The following ANP32B variants were observed in gnomAD, a reference collection of about 807,000 sequenced individuals.
ANP32B encodes acidic leucine-rich nuclear phosphoprotein 32 family member B.
Under a neutral mutation model 32.2 loss-of-function variants are expected in ANP32B, and 6 were observed. The ratio of observed to expected loss-of-function variants is 0.19; its 90% CI spans 0.10 to 0.37. The LOEUF (loss-of-function observed/expected upper bound fraction) is 0.37, where lower values mean the gene tolerates loss of function less well. ANP32B is among the 10% of genes least tolerant of loss of function. The pLI, the probability that ANP32B is intolerant of heterozygous loss-of-function variation, is 1.00. For missense variants in ANP32B, 204 were observed against 289.2 expected, an observed-to-expected ratio of 0.71 and a Z score of 2.14; for synonymous variants, 98 against 105.8, an observed-to-expected ratio of 0.93 and a Z score of 0.45.
chr9:98,011,469 A>C lies in ANP32B; in HGVS notation c.636+80A>C, dbSNP rs527771832. ...GGGTTTCAAAAAGATGACAAAAGAAAAGAAAAAACACCTTTTGAAGAAATT... is the reference window on the plus strand; with the variant it reads ...GGGTTTCAAAAAGATGACAAAAGAACAGAAAAAACACCTTTTGAAGAAATT... On this transcript the variant is annotated intron_variant, in intron 5 of 6. Transcript: ENST00000339399. 3 of 1,518,184 alleles carry C rather than the reference A, an allele frequency of 2.0e-6. No individual in the cohort carries two copies. In the African/African-American group the frequency reaches 4.2e-5, roughly 21 times the overall value. 94.0% of individuals were successfully genotyped at this position (1,518,184 alleles called of 1,614,324 possible).
At chr9:97,987,846 T>C (rs1388868550) in intron 1 of ANP32B, among the ~76,000 whole-genome samples, 11 of 152,226 alleles carry the variant, frequency 7.2e-5, no homozygotes, top group Admixed American at 1.3e-4. Context: ...TTGACCTCTT[T>C]TGTTGTGTCT....
chr9:98,004,492 C>T (rs1179931755), intron 3 of ANP32B, among the ~76,000 whole-genome samples: 1 of 152,126 alleles, frequency 6.6e-6, no homozygotes, highest in Non-Finnish European at 1.5e-5. Flanking sequence ...CATGTCTGTG[C>T]CCTAACTAAA....
Position 97,983,372 on chromosome 9 carries a change from T to G in ANP32B, c.-184T>G. 1 of 550,012 alleles carries G rather than the reference T, an allele frequency of 1.8e-6. No individual in the cohort carries two copies. 34.1% of individuals were successfully genotyped at this position (550,012 alleles called of 1,614,324 possible). A position where few individuals can be genotyped will look rare whatever the true frequency, so the allele number is the denominator to read the frequency against. ...CCTCCATGGTTTCTCTCCGCTCCCG[T>G]GAGTAACTTGGCTCCGGGGGCTCCG... On this transcript the variant is annotated 5_prime_UTR_variant, in exon 1 of 7. Transcript: ENST00000339399.
At position 98,005,067 on chromosome 9, in the gene ANP32B, A is replaced by G; in HGVS notation, c.431A>G (p.Tyr144Cys). The G allele has an allele frequency of 6.2e-7, 1 of 1,613,978 alleles. No individual in the cohort carries two copies. Among genetic ancestry groups the G allele is most frequent in the Non-Finnish European group, 8.5e-7 (1 of 1,179,990 alleles). ...TTCAAGCTCCTGCCCCAGCTTACCT[A>G]CTTGGATGGCTATGACCGAGAGGAC... ...SVFKLLPQLT[Y>C]LDGYDREDQE... is the part of the protein sequence containing the mutation. Residue 144 changes from tyrosine to cysteine, a missense_variant, in exon 4 of 7, where the codon TAC becomes TGC. By Grantham distance (194) the Tyr-to-Cys change is radical. Coordinates refer to ENST00000339399, the MANE Select transcript of ANP32B (RefSeq NM_006401.3).
Position 98,002,929 on chromosome 9 carries a change from G to C in ANP32B, c.328-2035G>C, listed in dbSNP as rs193091931. On this transcript the variant is annotated intron_variant, in intron 3 of 6. Coordinates refer to ENST00000339399, the MANE Select transcript of ANP32B (RefSeq NM_006401.3). ...AGAATTTTTAGAGTGAACCTTTTTG[G>C]AAAAGCTGCCTAAAGCTGACTCTAG... is the stretch of plus-strand genomic sequence containing the variant. 1.4e-3 allele frequency among the ~76,000 whole-genome samples: 219 copies of C among 152,234 alleles called. 1 individual carries two copies. The highest frequency in any genetic ancestry group is 5.1e-3 in the African/African-American group (210 of 41,550).
chr9:97,988,261 GT>G (rs1253255326), intron 1 of ANP32B, among the ~76,000 whole-genome samples: 2 of 152,078 alleles, frequency 1.3e-5, no homozygotes, highest in Non-Finnish European at 2.9e-5. Context: ...GATTTTGGCT[GT>G]TTTAAATACT....
At chr9:97,998,704 G>C (rs749041246) in intron 3 of ANP32B, 26 bp downstream of exon 3, 1 of 1,512,034 alleles carries the variant, frequency 6.6e-7, no homozygotes, top group South Asian at 1.3e-5. Flanking sequence ...TTTGGAAACT[G>C]GAACTTACTG....
intron 1 of ANP32B, among the ~76,000 whole-genome samples, chr9:97,985,769 G>C (rs1827717745): frequency 6.6e-6 from 1 of 152,170 alleles, no homozygotes; most frequent in Non-Finnish European, 1.5e-5. Flanking sequence ...CATATATGAA[G>C]TAATATTGCT....
intron 4 of ANP32B, 38 bp from the exon 5 acceptor site, chr9:98,011,233 C>T (rs764157570): frequency 2.5e-5 from 38 of 1,546,892 alleles, no homozygotes; most frequent in Non-Finnish European, 3.0e-5. Context: ...TGTGGAGCGT[C>T]GAGGATATTT....
At chr9:97,985,462 G>C (rs530158631) in intron 1 of ANP32B, among the ~76,000 whole-genome samples, 2 of 152,286 alleles carry the variant, frequency 1.3e-5, no homozygotes, top group South Asian at 4.1e-4. Context: ...TGCCCGCCAC[G>C]TGCTAGCCTA....
At chr9:97,991,019 G>A (rs945007254) in intron 1 of ANP32B, among the ~76,000 whole-genome samples, 3 of 151,454 alleles carry the variant, frequency 2.0e-5, no homozygotes, top group South Asian at 2.1e-4. Context: ...ATGGGGTTTC[G>A]CCAGGTTGGC....
At chr9:97,990,856 G>T in intron 1 of ANP32B, among the ~76,000 whole-genome samples, 1 of 126,028 alleles carries the variant, frequency 7.9e-6, no homozygotes, top group Admixed American at 1.0e-4. Context: ...ATCTTGCTCT[G>T]GTGCCCAGGC....
intron 1 of ANP32B, among the ~76,000 whole-genome samples, chr9:97,990,264 T>C (rs891991432): frequency 2.0e-5 from 3 of 152,228 alleles, no homozygotes; most frequent in African/African-American, 7.2e-5. Context: ...GTAAATACAC[T>C]TTTTCTGCAC....
intron 1 of ANP32B, chr9:97,984,691 C>CGGT (rs1346247703): frequency 6.6e-6 from 1 of 150,780 alleles, no homozygotes. Flanking sequence ...GCCGAGCCCT[C>CGGT]GGTCTGTTTC....
chr9:97,984,748 C>A (rs1237791205), intron 1 of ANP32B: 3 of 150,142 alleles, frequency 2.0e-5, no homozygotes, highest in Admixed American at 6.6e-5. Flanking sequence ...AGCCGCGCGC[C>A]GCGGCCGCCG....
intron 3 of ANP32B, among the ~76,000 whole-genome samples, chr9:98,000,912 A>T (rs1439001059): frequency 7.9e-6 from 1 of 126,356 alleles, no homozygotes; most frequent in African/African-American, 3.1e-5. Flanking sequence ...ACAGAACAAG[A>T]CTCCATCTCA....
chr9:98,004,859 A>G, intron 3 of ANP32B, 105 bp from the exon 4 acceptor site: 1 of 800,442 alleles, frequency 1.2e-6, no homozygotes, highest in South Asian at 1.9e-5. Flanking sequence ...CTGAGTGGGT[A>G]GTGGAAATTG....
In ANP32B at chr9:97,993,803, T is replaced by G. The variant is rs115885069; in HGVS notation, c.55-828T>G. On this transcript the variant is annotated intron_variant, in intron 1 of 6. Transcript: ENST00000339399. Reference sequence around the variant, plus strand: ...GGCACTCGCCATCTTGCCTGGCTAATTTTTGTATTTTTGTAGAGGGGGTTT... The same window carrying G: ...GGCACTCGCCATCTTGCCTGGCTAAGTTTTGTATTTTTGTAGAGGGGGTTT... 4.0e-3 allele frequency among the ~76,000 whole-genome samples: 607 copies of G among 152,246 alleles called. 3 individuals carry two copies. Among genetic ancestry groups the G allele is most frequent in the African/African-American group, 0.013 (557 of 41,552 alleles).
chr9:98,003,685 T>C (rs1244662832), intron 3 of ANP32B, among the ~76,000 whole-genome samples: 1 of 152,232 alleles, frequency 6.6e-6, no homozygotes, highest in Admixed American at 6.5e-5. Context: ...TTGTGAGTGT[T>C]GTAACAGCTT....
Sources: allele counts gnomAD v4.1 joint callset (sites outside exome capture counted in the v4.1 genomes callset), GRCh38; gene constraint gnomAD v4.1.1; transcripts MANE v1.5; gene names NCBI Gene and HGNC (gene_info 2026-07-23, HGNC 2026-07-21).